RTN4RL1: variants seen among roughly 807,000 people sequenced by gnomAD.
RTN4RL1 encodes reticulon 4 receptor like 1.
A neutral mutation model predicts 25.6 loss-of-function variants in RTN4RL1; 7 were observed. The ratio of observed to expected loss-of-function variants is 0.27; its 90% confidence interval spans 0.16 to 0.51. RTN4RL1 has a LOEUF of 0.51. Among genes scored for constraint, RTN4RL1 ranks in the 20% least tolerant of loss-of-function variants. The pLI, the probability that RTN4RL1 is intolerant of heterozygous loss-of-function variation, is 0.97. For missense variants in RTN4RL1, 500 were observed against 615.6 expected, an observed-to-expected ratio of 0.81 and a Z score of 1.99; for synonymous variants, 297 against 288.2, an observed-to-expected ratio of 1.03 and a Z score of -0.31.
Position 1,936,176 on chromosome 17 carries a change from G to C in RTN4RL1, c.*320C>G. ...TCCACAGAGCCCCGGTGCCGCCGTC[G>C]GGGGCAATTGTCCCACTGTTGCCAG... On this transcript the variant is annotated 3_prime_UTR_variant, in exon 2 of 2. Coordinates refer to ENST00000331238, the MANE Select transcript of RTN4RL1 (RefSeq NM_178568.4). 4.3e-6 allele frequency: 5 copies of C among 1,160,756 alleles called. No individual in the cohort carries two copies. Among genetic ancestry groups the C allele is most frequent in the Non-Finnish European group, 5.3e-6 (5 of 940,490 alleles). 71.9% of individuals were successfully genotyped at this position (1,160,756 alleles called of 1,614,324 possible).
intron 1 of RTN4RL1, among the ~76,000 whole-genome samples, chr17:1,991,053 A>ATTAG (rs1335141026): frequency 6.6e-6 from 1 of 152,164 alleles, no homozygotes; most frequent in Non-Finnish European, 1.5e-5. Flanking sequence ...ACCTTGGCCA[A>ATTAG]TTAGTACCTT....
intron 1 of RTN4RL1, among the ~76,000 whole-genome samples, chr17:2,010,410 G>A (rs1223409023): frequency 1.3e-5 from 2 of 152,146 alleles, no homozygotes; most frequent in African/African-American, 2.4e-5. Flanking sequence ...CCAGGAGACG[G>A]AGATTGCAGT....
chr17:1,972,087 G>T (rs1288677074), intron 1 of RTN4RL1, among the ~76,000 whole-genome samples: 1 of 151,980 alleles, frequency 6.6e-6, no homozygotes, highest in African/African-American at 2.4e-5. Context: ...GCAGTGAACT[G>T]TGATCACACC....
intron 1 of RTN4RL1, among the ~76,000 whole-genome samples, chr17:1,978,324 G>A (rs1438938861): frequency 4.6e-5 from 7 of 152,244 alleles, no homozygotes; most frequent in African/African-American, 1.2e-4. Context: ...GGGAACCCAA[G>A]AATGGGGACG....
chr17:2,010,902 A>T (rs1254013341), intron 1 of RTN4RL1, among the ~76,000 whole-genome samples: 9 of 152,106 alleles, frequency 5.9e-5, no homozygotes, highest in Admixed American at 5.9e-4. Flanking sequence ...GATTTTATTC[A>T]TCGCTTCACC....
intron 1 of RTN4RL1, among the ~76,000 whole-genome samples, chr17:2,004,755 G>C (rs2066982151): frequency 6.6e-6 from 1 of 152,226 alleles, no homozygotes; most frequent in African/African-American, 2.4e-5. Context: ...TACGTGACCT[G>C]TCCCTGCTGG....
chr17:1,991,087 C>T (rs555054781), intron 1 of RTN4RL1, among the ~76,000 whole-genome samples: 40 of 152,302 alleles, frequency 2.6e-4, no homozygotes, highest in African/African-American at 9.1e-4. Flanking sequence ...AACCGAGTCG[C>T]AGATTCCATT....
Position 1,951,681 on chromosome 17 carries a change from G to T in RTN4RL1, c.14-13873C>A, listed in dbSNP as rs530994223. Among the ~76,000 whole-genome samples the T allele has an allele frequency of 2.0e-5, 3 of 152,242 alleles. No homozygotes were observed. In the South Asian group the frequency reaches 6.2e-4, roughly 32 times the overall value. On this transcript the variant is annotated intron_variant, in intron 1 of 1. Transcript: ENST00000331238. ...TTGGTCAGGCTGGTCTCGAACTCCT[G>T]ACCTCAGGTGATCCAGCTGCCTCGG...
Position 1,936,067 on chromosome 17 carries a change from T to C in RTN4RL1, c.*429A>G. On this transcript the variant is annotated 3_prime_UTR_variant, in exon 2 of 2. Coordinates refer to ENST00000331238, the MANE Select transcript of RTN4RL1 (RefSeq NM_178568.4). Reference sequence around the variant, plus strand: ...CCAGACTGCTGGCCACCCAGCCTCGTGGGTGAGCCTCATTTGTTCTTCTCT... The same window carrying C: ...CCAGACTGCTGGCCACCCAGCCTCGCGGGTGAGCCTCATTTGTTCTTCTCT... The C allele has an allele frequency of 3.0e-6, 3 of 997,096 alleles. No homozygotes were observed. The highest frequency in any genetic ancestry group is 3.6e-6 in the Non-Finnish European group (3 of 837,448). The allele number at this position is 997,096 out of a possible 1,614,324, so 61.8% of individuals were successfully genotyped here. A position where few individuals can be genotyped will look rare whatever the true frequency, so the allele number is the denominator to read the frequency against.
chr17:2,021,759 T>C (rs936670799), intron 1 of RTN4RL1, among the ~76,000 whole-genome samples: 3 of 151,576 alleles, frequency 2.0e-5, no homozygotes, highest in Admixed American at 2.0e-4. Flanking sequence ...TTCACCATGT[T>C]GGCCAGGCTG....
rs34138766 is a variant in RTN4RL1, at chr17:1,964,788, C to CTTT, written c.14-26983_14-26981dup. On this transcript the variant is annotated intron_variant, in intron 1 of 1. Transcript: ENST00000331238. ...TTACAGTTTGCATTTCTTTTCTTTT[C>CTTT]TTTTTTTTTTTTTTTTTTGAGATGG... is the stretch of plus-strand genomic sequence containing the variant. Among the ~76,000 whole-genome samples, 498 of 124,694 alleles carry CTTT rather than the reference C, an allele frequency of 4.0e-3. 5 individuals carry two copies. Among genetic ancestry groups the CTTT allele is most frequent in the African/African-American group, 0.01 (338 of 33,450 alleles). 81.8% of individuals were successfully genotyped at this position (124,694 alleles called of 152,430 possible).
rs529354870 is a variant in RTN4RL1 at position 1,994,714 on chromosome 17, A to G, written c.13+30139T>C. ...ACACAAGCAGGCTCTGCTGCCTCCCACCTCCAAGCCTCAGTTTCCTTCTCT... is the reference window on the plus strand; with the variant it reads ...ACACAAGCAGGCTCTGCTGCCTCCCGCCTCCAAGCCTCAGTTTCCTTCTCT... On this transcript the variant is annotated intron_variant, in intron 1 of 1. Transcript: ENST00000331238. This position sits in a 1 kb window ranked among gnomAD's most constrained non-coding sequence, Gnocchi z 4.3. Among the ~76,000 whole-genome samples, 1 of 151,880 alleles carries G rather than the reference A, an allele frequency of 6.6e-6. No homozygotes were observed. Among genetic ancestry groups the G allele is most frequent in the South Asian group, 2.1e-4 (1 of 4,794 alleles).
chr17:1,947,746 T>C (rs927424904), intron 1 of RTN4RL1, among the ~76,000 whole-genome samples: 8 of 152,194 alleles, frequency 5.3e-5, no homozygotes, highest in Non-Finnish European at 1.0e-4. Flanking sequence ...CTCCTTGCTG[T>C]GAAGGTCTCG....
intron 1 of RTN4RL1, among the ~76,000 whole-genome samples, chr17:2,009,238 T>A (rs1444528332): frequency 4.6e-5 from 7 of 152,064 alleles, no homozygotes; most frequent in Non-Finnish European, 1.0e-4. Flanking sequence ...GGCAGGTGGA[T>A]CACCTGAGGT....
intron 1 of RTN4RL1, among the ~76,000 whole-genome samples, chr17:1,974,919 G>T (rs1381861170): frequency 2.0e-5 from 3 of 152,226 alleles, no homozygotes; most frequent in Non-Finnish European, 4.4e-5. Flanking sequence ...ACCTTTACTA[G>T]CTGGGAAGGA....
chr17:2,015,890 G>C (rs145983497), intron 1 of RTN4RL1, among the ~76,000 whole-genome samples: 1 of 152,116 alleles, frequency 6.6e-6, no homozygotes, highest in South Asian at 2.1e-4. Context: ...AACAGGCAAC[G>C]CTCAGCACAC....
intron 1 of RTN4RL1, among the ~76,000 whole-genome samples, chr17:1,974,597 A>T (rs1368593368): frequency 6.6e-6 from 1 of 152,102 alleles, no homozygotes; most frequent in Non-Finnish European, 1.5e-5. Context: ...TGGTGTTACT[A>T]CCCAGGGTCT....
rs555507109 is a variant in RTN4RL1 at position 1,936,126 on chromosome 17, C to G, written c.*370G>C. The G allele has an allele frequency of 4.7e-6, 5 of 1,055,880 alleles. No individual in the cohort carries two copies. The South Asian group carries it at 1.2e-4, about 25-fold the overall frequency. The allele number at this position is 1,055,880 out of a possible 1,614,324, so 65.4% of individuals were successfully genotyped here. A position where few individuals can be genotyped will look rare whatever the true frequency, so the allele number is the denominator to read the frequency against. On this transcript the variant is annotated 3_prime_UTR_variant, in exon 2 of 2. Transcript: ENST00000331238. Reference sequence around the variant, plus strand: ...CTTTCTCCAGGAACCACGGGGCCCTCCAGACCTCTCGGAACGATCGGGATT... The same window carrying G: ...CTTTCTCCAGGAACCACGGGGCCCTGCAGACCTCTCGGAACGATCGGGATT...
chr17:1,961,773 C>CAAAAAAAAAAAGAAAAA (rs2066762932), intron 1 of RTN4RL1, among the ~76,000 whole-genome samples: 1 of 55,578 alleles, frequency 1.8e-5, no homozygotes, highest in Non-Finnish European at 3.3e-5. Context: ...ACTAAAAATA[C>CAAAAAAAAAAAGAAAAA]AAAAAAAAAA....
Sources: gnomAD v4.1 joint callset for allele counts (sites outside exome capture counted in the v4.1 genomes callset) on GRCh38, gnomAD v4.1.1 for gene constraint, Gnocchi (gnomAD v3.1) non-coding constraint, MANE v1.5 for transcripts, NCBI Gene and HGNC (gene_info 2026-07-23, HGNC 2026-07-21) for gene names.